Variants in DPYD observed in about 807,000 individuals in gnomAD.
DPYD encodes dihydropyrimidine dehydrogenase, also known as dihydropyrimidine dehydrogenase [NADP(+)].
Under a neutral mutation model 116.2 loss-of-function variants are expected in DPYD, and 109 were observed. That is an observed-to-expected ratio of 0.94 (90% CI 0.80 to 1.10). The LOEUF (loss-of-function observed/expected upper bound fraction) is 1.10, where lower values mean the gene tolerates loss of function less well. Among genes scored for constraint, DPYD ranks in the 50% least tolerant of loss-of-function variants. The pLI is 0.00. For synonymous variants in DPYD, 440 were observed against 432.0 expected (o/e 1.02, Z -0.23); for missense variants, 1,302 against 1,254.5 (o/e 1.04, Z -0.57).
chr1:97,879,118 A>C (rs988139482), intron 2 of DPYD, among the ~76,000 whole-genome samples: 2 of 152,006 alleles, frequency 1.3e-5, no homozygotes, highest in African/African-American at 4.8e-5. Context: ...AACTGTGAAT[A>C]GGTTTCTTAT....
chr1:97,458,056 C>T (rs993885346), intron 13 of DPYD, among the ~76,000 whole-genome samples: 1 of 152,226 alleles, frequency 6.6e-6, no homozygotes, highest in African/African-American at 2.4e-5. Context: ...TTTCTGCTGG[C>T]CTGCTTATAA....
At chr1:97,239,470 G>A (rs1443708531) in intron 18 of DPYD, among the ~76,000 whole-genome samples, 1 of 151,686 alleles carries the variant, frequency 6.6e-6, no homozygotes, top group Non-Finnish European at 1.5e-5. Flanking sequence ...AAGCACCTAT[G>A]GCTTTTTTTT....
At chr1:97,277,869 G>A (rs1665051918) in intron 18 of DPYD, among the ~76,000 whole-genome samples, 1 of 152,104 alleles carries the variant, frequency 6.6e-6, no homozygotes, top group South Asian at 2.1e-4. Flanking sequence ...TCCATGCAGG[G>A]CCTACATGAT....
intron 12 of DPYD, among the ~76,000 whole-genome samples, chr1:97,545,399 T>C (rs1650764623): frequency 6.6e-6 from 1 of 152,186 alleles, no homozygotes; most frequent in East Asian, 1.9e-4. Flanking sequence ...AATGTTGAAA[T>C]TTTAATTATT....
At chr1:97,491,570 G>A (rs1227039077) in intron 13 of DPYD, among the ~76,000 whole-genome samples, 1 of 151,990 alleles carries the variant, frequency 6.6e-6, no homozygotes, top group Non-Finnish European at 1.5e-5. Context: ...CACTGGCTCT[G>A]CAATTATACA....
chr1:97,229,585 T>A lies in DPYD; in HGVS notation c.2442+5267A>T, dbSNP rs555470596. On this transcript the variant is annotated intron_variant, in intron 19 of 22. Coordinates refer to ENST00000370192, the MANE Select transcript of DPYD (RefSeq NM_000110.4). The stretch of plus-strand genomic sequence containing the variant: ...ATATATATATATATATATATATATA[T>A]ATATACTGATTTTAATTCATACTTT... Among the ~76,000 whole-genome samples, 125 of 67,220 alleles carry A rather than the reference T, an allele frequency of 1.9e-3. 1 individual carries two copies. Among genetic ancestry groups the A allele is most frequent in the African/African-American group, 6.9e-3 (120 of 17,390 alleles). The allele number at this position is 67,220 out of a possible 152,430, so 44.1% of individuals were successfully genotyped here.
At chr1:97,134,281 C>A (rs947528411) in intron 20 of DPYD, among the ~76,000 whole-genome samples, 1 of 151,598 alleles carries the variant, frequency 6.6e-6, no homozygotes, top group Non-Finnish European at 1.5e-5. Flanking sequence ...GCGAAAATAA[C>A]CCTATTAAAC....
intron 20 of DPYD, among the ~76,000 whole-genome samples, chr1:97,188,650 A>C (rs1370013763): frequency 6.6e-6 from 1 of 152,210 alleles, no homozygotes; most frequent in Non-Finnish European, 1.5e-5. Context: ...AGGCCAAGGA[A>C]GAGGGTCATA....
intron 16 of DPYD, among the ~76,000 whole-genome samples, chr1:97,357,835 C>A (rs1670499503): frequency 6.6e-6 from 1 of 152,134 alleles, no homozygotes; most frequent in Non-Finnish European, 1.5e-5. Context: ...GGATTCCATT[C>A]TGAGATGGCC....
intron 3 of DPYD, among the ~76,000 whole-genome samples, chr1:97,816,555 T>G (rs1163100419): frequency 6.6e-6 from 1 of 152,188 alleles, no homozygotes; most frequent in Non-Finnish European, 1.5e-5. Context: ...ACTAACACAA[T>G]GTTGTCCTTT....
intron 10 of DPYD, chr1:97,586,154 G>C (rs1204446994): frequency 6.6e-6 from 1 of 152,406 alleles, no homozygotes; most frequent in Non-Finnish European, 1.5e-5. Flanking sequence ...ACAACTATTC[G>C]TTTGGGCATT....
At chr1:97,837,999 A>C (rs1387027941) in intron 2 of DPYD, among the ~76,000 whole-genome samples, 2 of 152,138 alleles carry the variant, frequency 1.3e-5, no homozygotes, top group Admixed American at 1.3e-4. Flanking sequence ...AGTATATAAA[A>C]TTTTGACCCT....
chr1:97,379,230 T>G (rs906606456), intron 15 of DPYD, among the ~76,000 whole-genome samples: 9 of 152,024 alleles, frequency 5.9e-5, no homozygotes, highest in Admixed American at 1.3e-4. Flanking sequence ...GGATCTGGAA[T>G]GCAGAAAACA....
intron 8 of DPYD, among the ~76,000 whole-genome samples, chr1:97,664,954 A>G (rs2100878206): frequency 6.6e-6 from 1 of 152,256 alleles, no homozygotes. Flanking sequence ...CTTTACCACT[A>G]AAAGTCTAAC....
chr1:97,539,277 C>T (rs1326322302), intron 12 of DPYD, among the ~76,000 whole-genome samples: 3 of 151,924 alleles, frequency 2.0e-5, no homozygotes, highest in African/African-American at 7.3e-5. Flanking sequence ...AATTTAATGC[C>T]CTGACGCCTC....
chr1:97,113,810 T>C (rs1651774257), intron 20 of DPYD, among the ~76,000 whole-genome samples: 1 of 152,096 alleles, frequency 6.6e-6, no homozygotes. Flanking sequence ...GTTTAAAATA[T>C]TACTAAAACT....
intron 13 of DPYD, among the ~76,000 whole-genome samples, chr1:97,507,432 GGA>G (rs59804198): frequency 0.043 from 6,591 of 151,888 alleles, 483 homozygotes; most frequent in African/African-American, 0.15. Flanking sequence ...ATAATGCACT[GGA>G]CTATTGTTAA....
chr1:97,708,892 T>A (rs1662131898), intron 5 of DPYD, among the ~76,000 whole-genome samples: 2 of 151,956 alleles, frequency 1.3e-5, no homozygotes, highest in Admixed American at 6.6e-5. Flanking sequence ...TTTTTAAGGA[T>A]GCAAATGTAA....
At chr1:97,705,792 C>T (rs1661909538) in intron 5 of DPYD, among the ~76,000 whole-genome samples, 1 of 152,016 alleles carries the variant, frequency 6.6e-6, no homozygotes, top group South Asian at 2.1e-4. Context: ...TTCTCCAGCA[C>T]CTGTTGTTTC....
Sources: allele counts gnomAD v4.1 joint callset (sites outside exome capture counted in the v4.1 genomes callset), GRCh38; gene constraint gnomAD v4.1.1; transcripts MANE v1.5; gene names NCBI Gene and HGNC (gene_info 2026-07-23, HGNC 2026-07-21).